The following CCDC175 variants were observed in gnomAD, a reference collection of about 807,000 sequenced individuals.
The protein encoded by CCDC175 is coiled-coil domain containing 175.
CCDC175 carries 100 observed loss-of-function variants against 114.6 expected under a neutral mutation model. That is an observed-to-expected ratio of 0.87 (90% confidence interval 0.74 to 1.03). The LOEUF (loss-of-function observed/expected upper bound fraction) is 1.03. Ranked by LOEUF, CCDC175 falls within the 50% of genes least tolerant of loss-of-function variation. CCDC175 has a pLI of 0.00. For synonymous variants in CCDC175, 306 were observed against 308.7 expected, an observed-to-expected ratio of 0.99 and a Z score of 0.09; for missense variants, 880 against 917.8, an observed-to-expected ratio of 0.96 and a Z score of 0.53.
At chr14:59,511,287 G>T (rs911945481) in intron 18 of CCDC175, among the ~76,000 whole-genome samples, 1 of 152,158 alleles carries the variant, frequency 6.6e-6, no homozygotes, top group African/African-American at 2.4e-5. Flanking sequence ...ATACTTAAAT[G>T]AGGATTATGT....
At chr14:59,527,333 CTCAGAA>C (rs1174422870) in intron 14 of CCDC175, among the ~76,000 whole-genome samples, 159 bp from the exon 15 acceptor site, 1 of 152,138 alleles carries the variant, frequency 6.6e-6, no homozygotes, top group Non-Finnish European at 1.5e-5. Flanking sequence ...TGTCTGACTC[CTCAGAA>C]TCAAACATTT....
intron 7 of CCDC175, among the ~76,000 whole-genome samples, chr14:59,559,225 TG>T (rs1566630950): frequency 6.6e-6 from 1 of 152,178 alleles, no homozygotes; most frequent in African/African-American, 2.4e-5. Flanking sequence ...ACATTTCTCA[TG>T]TGCTGAAAAC....
intron 16 of CCDC175, among the ~76,000 whole-genome samples, chr14:59,522,691 T>G (rs1194899095): frequency 6.6e-6 from 1 of 152,226 alleles, no homozygotes; most frequent in Non-Finnish European, 1.5e-5. Context: ...CTGAAGAGAC[T>G]CATCCATCTC....
At chr14:59,546,234 A>C (rs369753773) in intron 8 of CCDC175, among the ~76,000 whole-genome samples, 16 of 152,234 alleles carry the variant, frequency 1.1e-4, no homozygotes, top group African/African-American at 3.9e-4. Flanking sequence ...GAAATACTGC[A>C]TATTCTCATT....
intron 15 of CCDC175, 100 bp downstream of exon 15, chr14:59,526,995 T>C (rs1893781099): frequency 1.5e-5 from 9 of 617,814 alleles, no homozygotes; most frequent in Non-Finnish European, 2.4e-5. Flanking sequence ...TTAACAAATG[T>C]GGATTTCATG....
At chr14:59,510,955 A>G (rs761935980) in intron 18 of CCDC175, 147 bp from the exon 19 acceptor site, 26 of 672,240 alleles carry the variant, frequency 3.9e-5, no homozygotes, top group Non-Finnish European at 5.6e-5. Context: ...TACACAGCCA[A>G]TTCACAAAGT....
At chr14:59,534,002 A>AAAG (rs1346806904) in intron 13 of CCDC175, among the ~76,000 whole-genome samples, 5 of 151,730 alleles carry the variant, frequency 3.3e-5, no homozygotes, top group African/African-American at 1.2e-4. Context: ...AAAAAAAAAA[A>AAAG]AAAAGAAACG....
At chr14:59,558,114 G>A (rs919367368) in intron 7 of CCDC175, among the ~76,000 whole-genome samples, 1 of 152,164 alleles carries the variant, frequency 6.6e-6, no homozygotes, top group Non-Finnish European at 1.5e-5. Context: ...TGAAGGAAGA[G>A]CTTTTCAGGT....
intron 3 of CCDC175, 58 bp from the exon 4 acceptor site, chr14:59,568,438 C>T (rs1467902703): frequency 7.6e-7 from 1 of 1,315,650 alleles, no homozygotes. Context: ...ACTGTAGATA[C>T]TGACTTTCAC....
intron 3 of CCDC175, among the ~76,000 whole-genome samples, chr14:59,571,615 C>T (rs1011938790): frequency 3.9e-5 from 6 of 152,138 alleles, no homozygotes; most frequent in African/African-American, 1.4e-4. Context: ...ACAAAAAAAT[C>T]TGGAAAATAA....
At chr14:59,573,313 A>G (rs529793125) in intron 2 of CCDC175, among the ~76,000 whole-genome samples, 44 of 152,280 alleles carry the variant, frequency 2.9e-4, no homozygotes, top group African/African-American at 9.6e-4. Flanking sequence ...AAAATAGATA[A>G]ATCATCTTTT....
At chr14:59,576,481 G>A in intron 1 of CCDC175, 138 bp downstream of exon 1, 1 of 792,110 alleles carries the variant, frequency 1.3e-6, no homozygotes, top group African/African-American at 1.8e-5. Context: ...CAGCCTCCAA[G>A]GAGCGGGGAG....
chr14:59,558,685 A>G (rs1896060402), intron 7 of CCDC175, among the ~76,000 whole-genome samples: 1 of 152,176 alleles, frequency 6.6e-6, no homozygotes, highest in African/African-American at 2.4e-5. Flanking sequence ...TGTTCAGGAC[A>G]TGTTATATCT....
At chr14:59,545,987 A>T (rs1339084256) in intron 8 of CCDC175, among the ~76,000 whole-genome samples, 2 of 152,248 alleles carry the variant, frequency 1.3e-5, no homozygotes, top group African/African-American at 4.8e-5. Flanking sequence ...AAAGGAAAAT[A>T]AATTAATCTA....
In CCDC175 at chr14:59,551,381, T is replaced by A. The variant is rs1895469079; in HGVS notation, c.1009A>T (p.Asn337Tyr). The change falls in exon 8 of 20, where the codon AAT becomes TAT. Residue 337 changes from asparagine (N) to tyrosine (Y), a missense_variant. By Grantham distance (143) the Asn-to-Tyr change is moderately radical. Coordinates refer to ENST00000537690, the MANE Select transcript of CCDC175 (RefSeq NM_001164399.2). Reference sequence around the variant, plus strand: ...TGTTTTATCTTGTTCAGGAATTCATTTTTTTCATCATTAGATATATCATCT... The same window carrying A: ...TGTTTTATCTTGTTCAGGAATTCATATTTTTCATCATTAGATATATCATCT... ...KLDDISNDEK[N>Y]EFLNKIKQLV... 1 of 1,449,424 alleles carries A rather than the reference T, an allele frequency of 6.9e-7. No homozygotes were observed. The highest frequency in any genetic ancestry group is 2.6e-5 in the East Asian group (1 of 39,158). The allele number at this position is 1,449,424 out of a possible 1,614,324, so 89.8% of individuals were successfully genotyped here.
intron 16 of CCDC175, among the ~76,000 whole-genome samples, chr14:59,522,418 A>T (rs1027789908): frequency 1.3e-5 from 2 of 152,210 alleles, no homozygotes; most frequent in Non-Finnish European, 1.5e-5. Context: ...ATGTTGTGTC[A>T]GCCTTTTCAT....
intron 14 of CCDC175, among the ~76,000 whole-genome samples, chr14:59,530,362 A>C (rs1024295743): frequency 1.3e-5 from 2 of 151,322 alleles, no homozygotes; most frequent in Non-Finnish European, 2.9e-5. Flanking sequence ...GTGAGACTCC[A>C]TCTCAAAAAA....
At position 59,568,372 on chromosome 14, in the gene CCDC175, G is replaced by A. The variant is rs1256818978; in HGVS notation, c.364C>T (p.Arg122Ter). 18 of 1,510,722 alleles carry A rather than the reference G, an allele frequency of 1.2e-5. No homozygotes were observed. The highest frequency in any genetic ancestry group is 2.2e-5 in the Admixed American group (1 of 44,914). The allele number at this position is 1,510,722 out of a possible 1,614,324, so 93.6% of individuals were successfully genotyped here. A position where few individuals can be genotyped will look rare whatever the true frequency, so the allele number is the denominator to read the frequency against. The change falls in exon 4 of 20, where the codon CGA becomes TGA. Residue 122 changes from arginine (R) to a stop codon, truncating the protein, a stop_gained. Coordinates refer to ENST00000537690, the MANE Select transcript of CCDC175 (RefSeq NM_001164399.2). LOFTEE classifies it high-confidence loss of function. ...AAAAGATTTAATCTGCGAGCGTCTC[G>A]GACACATTCTTCAAAGTAAGTGGAA... ...SIKRELEECV[R>*]DARRLNLFEI...
chr14:59,540,512 T>C (rs1894708727), intron 11 of CCDC175, among the ~76,000 whole-genome samples, 163 bp downstream of exon 11: 1 of 150,944 alleles, frequency 6.6e-6, no homozygotes, highest in African/African-American at 2.4e-5. Context: ...AAAAATCAAA[T>C]TAACCAATAC....
Sources: gnomAD v4.1 joint callset for allele counts (sites outside exome capture counted in the v4.1 genomes callset) on GRCh38, gnomAD v4.1.1 for gene constraint, MANE v1.5 for transcripts, NCBI Gene and HGNC (gene_info 2026-07-23, HGNC 2026-07-21) for gene names.